DOCK11: variants seen among roughly 807,000 people sequenced by gnomAD.
DOCK11 encodes the protein dedicator of cytokinesis protein 11.
In DOCK11, 70 loss-of-function variants were observed where a neutral mutation model predicts 169.1. That is an observed-to-expected ratio of 0.41 (90% confidence interval 0.34 to 0.51). The LOEUF (loss-of-function observed/expected upper bound fraction) is 0.51. Among genes scored for constraint, DOCK11 ranks in the 20% least tolerant of loss-of-function variants. The pLI, the probability that DOCK11 is intolerant of heterozygous loss-of-function variation, is 0.10. For missense variants in DOCK11, 1,166 were observed against 1,538.8 expected, an observed-to-expected ratio of 0.76 and a Z score of 4.05; for synonymous variants, 529 against 541.3, an observed-to-expected ratio of 0.98 and a Z score of 0.32.
At position 118,585,036 on chromosome X, in the gene DOCK11, C is replaced by CCCA; in HGVS notation, c.1719-4_1719-2dup. 4.2e-6 allele frequency: 5 copies of CCCA among 1,203,941 alleles called. No homozygotes were observed. The highest frequency in any genetic ancestry group is 5.6e-6 in the Non-Finnish European group (5 of 889,073). On this transcript the variant is annotated splice_polypyrimidine_tract_variant and splice_region_variant and intron_variant, in intron 15 of 52. Transcript: ENST00000276202. ...AACTCTAAAATATTATTATTTTATA[C>CCCA]CCAGGCCAGAAAAGACCAAACTGCA...
intron 30 of DOCK11, among the ~76,000 whole-genome samples, 183 bp downstream of exon 30, chrX:118,615,894 G>A (rs754947230): frequency 8.9e-6 from 1 of 112,085 alleles, no homozygotes; most frequent in South Asian, 3.7e-4. Context: ...TGTTCATAGT[G>A]TGAAGAAATC....
intron 30 of DOCK11, among the ~76,000 whole-genome samples, chrX:118,616,829 T>C (rs756241975): frequency 8.9e-6 from 1 of 111,941 alleles, no homozygotes; most frequent in African/African-American, 3.2e-5. Flanking sequence ...TAGAAGTATC[T>C]GCTGAGTGGT....
rs779565571 is a variant in DOCK11, at chrX:118,610,374, G to A, written c.3052G>A (p.Asp1018Asn). 7.6e-5 allele frequency: 92 copies of A among 1,209,160 alleles called. No homozygotes were observed. In the Admixed American group the frequency reaches 8.8e-4, roughly 12 times the overall value. The change falls in exon 28 of 53, where the codon GAT becomes AAT. Residue 1018 changes from aspartate to asparagine, a missense_variant. Transcript: ENST00000276202. ...HVTIRYAEIP[D>N]ESRNVNYSLA... ...GACTATTCGGTATGCGGAGATTCCC[G>A]ATGAGTCCAGAAATGTGAACTATAG... is the stretch of plus-strand genomic sequence containing the variant.
Position 118,544,646 on chromosome X carries a change from T to A in DOCK11, c.393-677T>A, listed in dbSNP as rs58045205. Reference sequence around the variant, plus strand: ...GCAAGAGCCAGAATTACACTGTTGCTTTTTTTTTTTTTTTTTTTTTTTTTT... The same window carrying A: ...GCAAGAGCCAGAATTACACTGTTGCATTTTTTTTTTTTTTTTTTTTTTTTT... On this transcript the variant is annotated intron_variant, in intron 4 of 52. Coordinates refer to ENST00000276202, the MANE Select transcript of DOCK11 (RefSeq NM_144658.4). Among the ~76,000 whole-genome samples, 13 of 6,880 alleles carry A rather than the reference T, an allele frequency of 1.9e-3. No individual in the cohort carries two copies. The East Asian group carries it at 0.072, about 38-fold the overall frequency. 6.0% of individuals were successfully genotyped at this position (6,880 alleles called of 115,157 possible).
intron 1 of DOCK11, among the ~76,000 whole-genome samples, chrX:118,541,139 A>G (rs1447819721): frequency 8.9e-6 from 1 of 112,012 alleles, no homozygotes; most frequent in Non-Finnish European, 1.9e-5. Context: ...GGTATATCAG[A>G]TTGTGGTAAG....
At chrX:118,632,969 T>TGGGGGGGG (rs766019635) in intron 35 of DOCK11, 7 of 35,826 alleles carry the variant, frequency 2.0e-4, no homozygotes, top group African/African-American at 4.5e-4. Context: ...TGGGGGGCGG[T>TGGGGGGGG]GGGGGGGGGG....
chrX:118,542,956 G>A lies in DOCK11; in HGVS notation c.250G>A (p.Val84Met). Residue 84 changes from valine to methionine, a missense_variant, in exon 3 of 53, where the codon GTG (valine) becomes ATG (methionine). Transcript: ENST00000276202. ...ISVIGRQRRT[V>M]QSTVPEDAEK... ...GGTGATAGGTCGTCAACGCAGAACG[G>A]TGCAGTCTACTGTACCAGAAGATGC... 2 of 1,211,195 alleles carry A rather than the reference G, an allele frequency of 1.7e-6. No individual in the cohort carries two copies. Among genetic ancestry groups the A allele is most frequent in the Non-Finnish European group, 2.2e-6 (2 of 895,347 alleles).
At chrX:118,555,718 C>A (rs2012663207) in intron 6 of DOCK11, among the ~76,000 whole-genome samples, 1 of 111,174 alleles carries the variant, frequency 9.0e-6, no homozygotes, top group Non-Finnish European at 1.9e-5. Flanking sequence ...TTTTCTAAGT[C>A]CTGTGGTTTT....
intron 48 of DOCK11, among the ~76,000 whole-genome samples, chrX:118,677,142 C>G (rs906527698): frequency 8.9e-6 from 1 of 112,128 alleles, no homozygotes; most frequent in Non-Finnish European, 1.9e-5. Flanking sequence ...ATTGTAAATG[C>G]TATTGTACAT....
intron 23 of DOCK11, among the ~76,000 whole-genome samples, chrX:118,603,125 G>C (rs1332690175): frequency 8.9e-6 from 1 of 112,136 alleles, no homozygotes; most frequent in African/African-American, 3.2e-5. Flanking sequence ...ACAACCTTAG[G>C]GGGTAAAGTC....
chrX:118,536,604 C>G lies in DOCK11; in HGVS notation c.103-6121C>G, dbSNP rs2011761257. 2.7e-5 allele frequency among the ~76,000 whole-genome samples: 3 copies of G among 111,743 alleles called. No individual in the cohort carries two copies. In the South Asian group the frequency reaches 1.1e-3, roughly 41 times the overall value. On this transcript the variant is annotated intron_variant, in intron 1 of 52. Coordinates refer to ENST00000276202, the MANE Select transcript of DOCK11 (RefSeq NM_144658.4). ...TCACACATTTTAGTGTGCAAACACA[C>G]TTGTACAGTTCCTTTTTTGGAAGAA...
At chrX:118,555,967 C>T (rs1370566444) in intron 6 of DOCK11, among the ~76,000 whole-genome samples, 2 of 111,304 alleles carry the variant, frequency 1.8e-5, no homozygotes, top group African/African-American at 6.5e-5. Context: ...ATAATTACCC[C>T]TCTAGGTAAC....
intron 8 of DOCK11, among the ~76,000 whole-genome samples, 195 bp from the exon 9 acceptor site, chrX:118,566,379 C>T (rs1255295017): frequency 9.0e-6 from 1 of 111,651 alleles, no homozygotes; most frequent in Non-Finnish European, 1.9e-5. Context: ...GAAATATAAC[C>T]AGACTAAAAC....
chrX:118,547,976 A>G (rs1380776475), intron 6 of DOCK11, among the ~76,000 whole-genome samples: 1 of 111,640 alleles, frequency 9.0e-6, no homozygotes, highest in Non-Finnish European at 1.9e-5. Flanking sequence ...TGAGCCCAGG[A>G]GTTCGAGGCT....
At chrX:118,577,194 C>T (rs1024258951) in intron 12 of DOCK11, among the ~76,000 whole-genome samples, 18 of 112,317 alleles carry the variant, frequency 1.6e-4, no homozygotes, top group African/African-American at 3.9e-4. Context: ...TGGCAGTTAG[C>T]GTAACACTGC....
intron 37 of DOCK11, 99 bp from the exon 38 acceptor site, chrX:118,639,336 A>C: frequency 1.1e-6 from 1 of 906,525 alleles, no homozygotes; most frequent in Non-Finnish European, 1.5e-6. Context: ...GTGTACTACT[A>C]TGTTTATGTG....
chrX:118,647,261 C>A (rs770899248), intron 40 of DOCK11, among the ~76,000 whole-genome samples: 1 of 102,963 alleles, frequency 9.7e-6, no homozygotes, highest in Non-Finnish European at 2.0e-5. Context: ...TTTCTCAGCA[C>A]GTTGATGTTC....
chrX:118,615,553 C>A, intron 29 of DOCK11, 47 bp from the exon 30 acceptor site: 1 of 1,018,487 alleles, frequency 9.8e-7, no homozygotes, highest in East Asian at 3.1e-5. Flanking sequence ...CTTAAAATAG[C>A]AAATGCCTAC....
chrX:118,544,485 G>A (rs764184491), intron 4 of DOCK11, among the ~76,000 whole-genome samples: 1 of 108,946 alleles, frequency 9.2e-6, no homozygotes, highest in East Asian at 2.9e-4. Flanking sequence ...TTAGCCTTTT[G>A]TAGTTTTCAG....
Sources: allele counts gnomAD v4.1 joint callset (sites outside exome capture counted in the v4.1 genomes callset), GRCh38; gene constraint gnomAD v4.1.1; transcripts MANE v1.5; gene names NCBI Gene and HGNC (gene_info 2026-07-23, HGNC 2026-07-21).